Variants in RALGAPA1 observed in about 807,000 individuals in gnomAD.
The protein encoded by RALGAPA1 is ral GTPase-activating protein subunit alpha-1.
In RALGAPA1, 52 loss-of-function variants were observed where a neutral mutation model predicts 269.6. The observed-to-expected ratio is 0.19, with a 90% CI of 0.15 to 0.24. The LOEUF is 0.24. Ranked by LOEUF, RALGAPA1 falls within the 10% of genes least tolerant of loss-of-function variation. The pLI, the probability that RALGAPA1 is intolerant of heterozygous loss-of-function variation, is 1.00. For missense variants in RALGAPA1, 1,917 were observed against 3,013.9 expected (o/e 0.64, Z 8.52); for synonymous variants, 817 against 1,008.3 (o/e 0.81, Z 3.60).
chr14:35,559,774 C>T (rs1210850215), intron 39 of RALGAPA1, among the ~76,000 whole-genome samples: 1 of 152,034 alleles, frequency 6.6e-6, no homozygotes, highest in Non-Finnish European at 1.5e-5. Context: ...AAGACTAGGA[C>T]AAAAGTACTT....
At chr14:35,544,270 A>G (rs2139019969) in intron 41 of RALGAPA1, among the ~76,000 whole-genome samples, 1 of 152,308 alleles carries the variant, frequency 6.6e-6, no homozygotes, top group Admixed American at 6.5e-5. Flanking sequence ...ATCTTTAACA[A>G]TTTATAATTT....
chr14:35,598,702 G>A (rs1045212664), intron 36 of RALGAPA1, among the ~76,000 whole-genome samples: 2 of 152,136 alleles, frequency 1.3e-5, no homozygotes, highest in African/African-American at 2.4e-5. Flanking sequence ...TTACAAGCAT[G>A]AGCCACCGTG....
rs1276347092 is a variant in RALGAPA1 at position 35,538,404 on chromosome 14, CT to C, written c.*1309del. On this transcript the variant is annotated 3_prime_UTR_variant, in exon 42 of 42. Coordinates refer to ENST00000680220, the MANE Select transcript of RALGAPA1 (RefSeq NM_001346249.2). The stretch of plus-strand genomic sequence containing the variant: ...ATTGTATTATTAAATACCATGTCAT[CT>C]TTCCCCCCCACTGTTACAAATTATA... 13 of 152,668 alleles carry C rather than the reference CT, an allele frequency of 8.5e-5. No homozygotes were observed. Among genetic ancestry groups the C allele is most frequent in the South Asian group, 4.1e-4 (2 of 4,822 alleles). 9.5% of individuals were successfully genotyped at this position (152,668 alleles called of 1,614,324 possible).
intron 25 of RALGAPA1, among the ~76,000 whole-genome samples, chr14:35,672,540 T>C (rs1460639510): frequency 2.0e-5 from 3 of 151,888 alleles, no homozygotes; most frequent in Non-Finnish European, 4.4e-5. Flanking sequence ...ACAAAATGCC[T>C]AAGAGTAGGT....
In RALGAPA1 at chr14:35,756,850, C is replaced by A. The variant is rs771408307; in HGVS notation, c.606G>T (p.Gly202=). The change falls in exon 7 of 42, where the codon GGG becomes GGT. Residue 202 remains glycine, a synonymous_variant. Transcript: ENST00000680220. ...GAAAATAGCTTGTGAGATCTTCTTG[C>A]CCTTTATCTCCTGATTGTGGGGGGA... is the stretch of plus-strand genomic sequence containing the variant. The part of the protein sequence containing the change: ...PLVPPQSGDK[G]QEDLTSYFLE... The A allele has an allele frequency of 4.3e-6, 7 of 1,611,162 alleles. No individual in the cohort carries two copies. The highest frequency in any genetic ancestry group is 2.2e-5 in the East Asian group (1 of 44,734).
At chr14:35,757,950 T>C (rs1286232615) in intron 6 of RALGAPA1, among the ~76,000 whole-genome samples, 2 of 152,090 alleles carry the variant, frequency 1.3e-5, no homozygotes, top group African/African-American at 4.8e-5. Context: ...AATTATTCTT[T>C]AAAAATACAA....
intron 37 of RALGAPA1, among the ~76,000 whole-genome samples, chr14:35,578,140 A>G (rs2139568419): frequency 6.6e-6 from 1 of 152,352 alleles, no homozygotes; most frequent in African/African-American, 2.4e-5. Flanking sequence ...AAAAACAGAC[A>G]TGGTCTCTGC....
At chr14:35,793,915 A>C (rs1306676427) in intron 1 of RALGAPA1, among the ~76,000 whole-genome samples, 1 of 152,244 alleles carries the variant, frequency 6.6e-6, no homozygotes, top group African/African-American at 2.4e-5. Flanking sequence ...AATCCTTAAT[A>C]AACAAAATGT....
chr14:35,638,672 C>T (rs1287721452), intron 31 of RALGAPA1, among the ~76,000 whole-genome samples: 3 of 152,072 alleles, frequency 2.0e-5, no homozygotes, highest in Non-Finnish European at 2.9e-5. Context: ...CACCTGTAAT[C>T]CCAACACTCT....
chr14:35,593,035 T>C (rs1423984901), intron 37 of RALGAPA1, among the ~76,000 whole-genome samples: 1 of 152,094 alleles, frequency 6.6e-6, no homozygotes, highest in Non-Finnish European at 1.5e-5. Context: ...ATATAAGGCA[T>C]CCAAATCAGA....
intron 33 of RALGAPA1, among the ~76,000 whole-genome samples, chr14:35,630,293 G>GT (rs201991217): frequency 0.015 from 2,149 of 144,886 alleles, 25 homozygotes; most frequent in Non-Finnish European, 0.018. Flanking sequence ...TTATTTACTG[G>GT]TTTTTTTTTT....
At chr14:35,574,207 G>T (rs2057398639) in intron 37 of RALGAPA1, among the ~76,000 whole-genome samples, 1 of 152,068 alleles carries the variant, frequency 6.6e-6, no homozygotes, top group African/African-American at 2.4e-5. Context: ...AAATAATGCA[G>T]GTCTCAATTT....
At chr14:35,569,846 C>T (rs928430092) in intron 39 of RALGAPA1, among the ~76,000 whole-genome samples, 1 of 152,222 alleles carries the variant, frequency 6.6e-6, no homozygotes, top group East Asian at 1.9e-4. Flanking sequence ...ACGCTGAATA[C>T]AGTATGTTTC....
At chr14:35,556,128 T>C (rs1012392965) in intron 39 of RALGAPA1, among the ~76,000 whole-genome samples, 1 of 152,164 alleles carries the variant, frequency 6.6e-6, no homozygotes, top group African/African-American at 2.4e-5. Context: ...TCTGAGGCAA[T>C]ATCATTACAC....
chr14:35,742,774 A>T (rs1234658660), intron 10 of RALGAPA1, among the ~76,000 whole-genome samples: 2 of 152,144 alleles, frequency 1.3e-5, no homozygotes, highest in African/African-American at 2.4e-5. Context: ...AAAAAAAAAA[A>T]AAAAAATCAC....
intron 7 of RALGAPA1, among the ~76,000 whole-genome samples, chr14:35,752,421 A>T (rs1251297635): frequency 6.6e-6 from 1 of 152,196 alleles, no homozygotes; most frequent in Admixed American, 6.6e-5. Flanking sequence ...ACTAATGACA[A>T]AAATATTAAA....
At chr14:35,669,606 C>T (rs1258902384) in intron 26 of RALGAPA1, among the ~76,000 whole-genome samples, 1 of 152,038 alleles carries the variant, frequency 6.6e-6, no homozygotes, top group Non-Finnish European at 1.5e-5. Flanking sequence ...CAGTAACTTG[C>T]CCAAGGTCAC....
chr14:35,709,960 T>C (rs2068155246), intron 16 of RALGAPA1, among the ~76,000 whole-genome samples: 1 of 152,218 alleles, frequency 6.6e-6, no homozygotes, highest in Admixed American at 6.5e-5. Flanking sequence ...GAATGTGGTC[T>C]TGGTGAATGT....
chr14:35,654,587 C>G, intron 29 of RALGAPA1, 110 bp from the exon 30 acceptor site: 1 of 1,238,726 alleles, frequency 8.1e-7, no homozygotes, highest in Non-Finnish European at 1.1e-6. Flanking sequence ...ATAAATCCTA[C>G]ATTTATAGGT....
Sources: allele counts gnomAD v4.1 joint callset (sites outside exome capture counted in the v4.1 genomes callset), GRCh38; gene constraint gnomAD v4.1.1; transcripts MANE v1.5; gene names NCBI Gene and HGNC (gene_info 2026-07-23, HGNC 2026-07-21).